SLC4A4: variants seen among roughly 807,000 people sequenced by gnomAD.
The protein encoded by SLC4A4 is solute carrier family 4 member 4.
In SLC4A4, 27 loss-of-function variants were observed where a neutral mutation model predicts 111.5. The ratio of observed to expected loss-of-function variants is 0.24; its 90% confidence interval spans 0.18 to 0.33. The LOEUF (loss-of-function observed/expected upper bound fraction) is 0.33, where lower values mean the gene tolerates loss of function less well. Ranked by LOEUF, SLC4A4 falls within the 10% of genes least tolerant of loss-of-function variation. SLC4A4 has a pLI of 1.00. For synonymous variants in SLC4A4, 443 were observed against 463.4 expected, an observed-to-expected ratio of 0.96 and a Z score of 0.57; for missense variants, 909 against 1,315.5, an observed-to-expected ratio of 0.69 and a Z score of 4.78.
At chr4:71,288,606 C>T (rs1724098553) in intron 3 of SLC4A4, among the ~76,000 whole-genome samples, 2 of 152,028 alleles carry the variant, frequency 1.3e-5, no homozygotes, top group African/African-American at 4.8e-5. Flanking sequence ...ACCATGTTGG[C>T]CAGGCTGGTC....
At chr4:71,166,379 G>T (rs1383666180) in intron 2 of SLC4A4, among the ~76,000 whole-genome samples, 1 of 152,154 alleles carries the variant, frequency 6.6e-6, no homozygotes, top group Admixed American at 6.5e-5. Flanking sequence ...TCTTTTGAAA[G>T]AACTATCTTA....
chr4:71,464,314 A>G (rs969754471), intron 12 of SLC4A4, among the ~76,000 whole-genome samples: 1 of 152,136 alleles, frequency 6.6e-6, no homozygotes, highest in Non-Finnish European at 1.5e-5. Context: ...TTGAATCTCA[A>G]TGTCTAAATG....
intron 6 of SLC4A4, among the ~76,000 whole-genome samples, chr4:71,366,185 T>C (rs1021324237): frequency 6.6e-6 from 1 of 152,172 alleles, no homozygotes; most frequent in African/African-American, 2.4e-5. Context: ...GCCGAGTGCA[T>C]AGGAAGCATT....
chr4:71,553,216 C>T (rs935088713), intron 20 of SLC4A4, among the ~76,000 whole-genome samples: 1 of 151,878 alleles, frequency 6.6e-6, no homozygotes, highest in Non-Finnish European at 1.5e-5. Context: ...GTTTAAAAAA[C>T]ATCTTCATAT....
intron 2 of SLC4A4, among the ~76,000 whole-genome samples, chr4:71,252,762 C>A (rs999224513): frequency 6.6e-6 from 1 of 152,098 alleles, no homozygotes; most frequent in African/African-American, 2.4e-5. Context: ...CAGAGAGTGA[C>A]TGCAAATGGA....
intron 18 of SLC4A4, among the ~76,000 whole-genome samples, chr4:71,540,788 T>C (rs1055241844): frequency 1.3e-5 from 2 of 152,148 alleles, no homozygotes; most frequent in African/African-American, 2.4e-5. Flanking sequence ...TGAATACTTA[T>C]TAAAGAATCA....
intron 7 of SLC4A4, among the ~76,000 whole-genome samples, chr4:71,415,769 G>A (rs1443753550): frequency 1.3e-5 from 2 of 152,116 alleles, no homozygotes; most frequent in Non-Finnish European, 2.9e-5. Context: ...TATACATTCT[G>A]CCTTTTAATT....
At chr4:71,537,384 ATG>A (rs72348490) in intron 18 of SLC4A4, among the ~76,000 whole-genome samples, 23,543 of 73,734 alleles carry the variant, frequency 0.32, 2,381 homozygotes, top group East Asian at 0.55. Flanking sequence ...ATATATACAT[ATG>A]TGTGTGTATA....
In SLC4A4 at chr4:71,560,242, T is replaced by C. The variant is rs771472818; in HGVS notation, c.3087T>C (p.Ser1029=). Residue 1029 remains serine, a synonymous_variant, in exon 23 of 26, where the codon AGT becomes AGC. Transcript: ENST00000264485. ...KKKKKKGSLD[S]DNDDSDCPYS... ...AAAAGAAGAAGGGAAGTCTGGACAG[T>C]GACAATGATGATGTAAGGAACTTTC... The C allele has an allele frequency of 8.7e-6, 14 of 1,607,718 alleles. No individual in the cohort carries two copies. The highest frequency in any genetic ancestry group is 1.1e-5 in the Non-Finnish European group (13 of 1,176,324).
intron 13 of SLC4A4, among the ~76,000 whole-genome samples, chr4:71,471,460 T>A (rs958394537): frequency 2.0e-5 from 3 of 151,712 alleles, no homozygotes; most frequent in Non-Finnish European, 4.4e-5. Flanking sequence ...TTGGGTAAGA[T>A]TGGGTTGGTG....
At chr4:71,064,350 T>G (rs966964127) in intron 1 of SLC4A4, among the ~76,000 whole-genome samples, 1 of 152,214 alleles carries the variant, frequency 6.6e-6, no homozygotes, top group African/African-American at 2.4e-5. Flanking sequence ...GTAGAGCTAT[T>G]GTTAATATGT....
chr4:71,137,049 C>G (rs1743866299), intron 2 of SLC4A4, among the ~76,000 whole-genome samples: 1 of 152,106 alleles, frequency 6.6e-6, no homozygotes, highest in Non-Finnish European at 1.5e-5. Flanking sequence ...AATATAATAT[C>G]ATGACCAGTC....
At chr4:71,335,207 A>AT (rs1320538147) in intron 3 of SLC4A4, among the ~76,000 whole-genome samples, 1 of 152,204 alleles carries the variant, frequency 6.6e-6, no homozygotes, top group Non-Finnish European at 1.5e-5. Context: ...ATGTACGCCT[A>AT]TATCTAAAAT....
intron 1 of SLC4A4, among the ~76,000 whole-genome samples, chr4:71,228,431 C>T (rs535788739): frequency 6.6e-6 from 1 of 152,182 alleles, no homozygotes; most frequent in African/African-American, 2.4e-5. Flanking sequence ...ATTCTCTGGG[C>T]CCTAGGAACT....
At chr4:71,221,014 C>A (rs1718715459) in intron 1 of SLC4A4, among the ~76,000 whole-genome samples, 1 of 152,196 alleles carries the variant, frequency 6.6e-6, no homozygotes, top group Non-Finnish European at 1.5e-5. Flanking sequence ...ATAATAGCCT[C>A]CAGCTGCATC....
chr4:71,285,557 T>A (rs1397258829), intron 3 of SLC4A4, among the ~76,000 whole-genome samples: 1 of 152,190 alleles, frequency 6.6e-6, no homozygotes, highest in Non-Finnish European at 1.5e-5. Flanking sequence ...TAACCCCTGC[T>A]TATCTTGCAG....
chr4:71,292,449 C>T (rs1724430446), intron 3 of SLC4A4, among the ~76,000 whole-genome samples: 3 of 152,088 alleles, frequency 2.0e-5, no homozygotes, highest in Admixed American at 6.5e-5. Flanking sequence ...GAGGGTGTGA[C>T]TTTGATGTTT....
At chr4:71,201,874 A>G (rs564200604) in intron 1 of SLC4A4, among the ~76,000 whole-genome samples, 2 of 152,336 alleles carry the variant, frequency 1.3e-5, no homozygotes, top group Admixed American at 1.3e-4. Flanking sequence ...GTGATTACTG[A>G]TGATGACATT....
At chr4:71,562,757 T>C (rs1486467674) in intron 23 of SLC4A4, among the ~76,000 whole-genome samples, 1 of 151,830 alleles carries the variant, frequency 6.6e-6, no homozygotes, top group African/African-American at 2.4e-5. Flanking sequence ...ACATTTAAGA[T>C]TAATATTGTT....
Sources: gnomAD v4.1 joint callset for allele counts (sites outside exome capture counted in the v4.1 genomes callset) on GRCh38, gnomAD v4.1.1 for gene constraint, MANE v1.5 for transcripts, NCBI Gene and HGNC (gene_info 2026-07-23, HGNC 2026-07-21) for gene names.